NICOL1: variants seen among roughly 807,000 people sequenced by gnomAD.
NICOL1 encodes the protein NELL2 interacting cell ontogeny regulator 1.
At chr4:2,038,460 A>T in the NICOL1 span, among the ~76,000 whole-genome samples, 2 of 151,442 alleles carry the variant, frequency 1.3e-5, no homozygotes, top group East Asian at 3.9e-4. Flanking sequence ...GATACTTTTT[A>T]AAATCTTCAA....
chr4:2,038,235 G>GTGTGTGTA, the NICOL1 span, among the ~76,000 whole-genome samples: 3 of 84,554 alleles, frequency 3.5e-5, 1 homozygote, highest in African/African-American at 1.4e-4. Flanking sequence ...AGTGATCAGT[G>GTGTGTGTA]TGTATATATA....
At chr4:2,038,237 G>GTGTGTGTGTATATA in the NICOL1 span, among the ~76,000 whole-genome samples, 1 of 91,454 alleles carries the variant, frequency 1.1e-5, no homozygotes, top group African/African-American at 3.6e-5. Context: ...TGATCAGTGT[G>GTGTGTGTGTATATA]TATATATATA....
the NICOL1 span, chr4:2,042,029 G>C: frequency 2.0e-6 from 3 of 1,474,768 alleles, no homozygotes; most frequent in East Asian, 2.9e-5. Context: ...AACGTCTGCC[G>C]GTGTCCCCGC....
chr4:2,042,698 C>CCCTGCGCCCCCTCCACCCTGA, the NICOL1 span: 1 of 1,263,894 alleles, frequency 7.9e-7, no homozygotes, highest in Non-Finnish European at 1.1e-6. Flanking sequence ...GGGTGACCCC[C>CCCTGCGCCCCCTCCACCCTGA]CCTGCGCCCC....
the NICOL1 span, among the ~76,000 whole-genome samples, chr4:2,036,582 GA>G: frequency 2.0e-5 from 3 of 152,188 alleles, no homozygotes; most frequent in Non-Finnish European, 4.4e-5. Context: ...AGTGTTGACG[GA>G]AGCTGAAGAC....
the NICOL1 span, chr4:2,042,354 G>A: frequency 3.9e-6 from 2 of 512,482 alleles, no homozygotes; most frequent in Admixed American, 3.9e-5. Flanking sequence ...TGCTGGCCAT[G>A]GCCCCCCCGC....
At chr4:2,038,232 AGT>A in the NICOL1 span, among the ~76,000 whole-genome samples, 1 of 96,488 alleles carries the variant, frequency 1.0e-5, no homozygotes, top group Non-Finnish European at 2.1e-5. Context: ...TTAAGTGATC[AGT>A]GTGTATATAT....
At chr4:2,038,255 A>G in the NICOL1 span, among the ~76,000 whole-genome samples, 114 of 66,868 alleles carry the variant, frequency 1.7e-3, 1 homozygote, top group Non-Finnish European at 2.1e-3. Flanking sequence ...ATATATATAT[A>G]TATATATATA....
the NICOL1 span, among the ~76,000 whole-genome samples, chr4:2,038,237 G>GTGTGTGTATATATA: frequency 1.1e-5 from 1 of 91,452 alleles, no homozygotes; most frequent in African/African-American, 3.6e-5. Context: ...TGATCAGTGT[G>GTGTGTGTATATATA]TATATATATA....
At chr4:2,038,413 A>G in the NICOL1 span, among the ~76,000 whole-genome samples, 1 of 151,362 alleles carries the variant, frequency 6.6e-6, no homozygotes, top group Non-Finnish European at 1.5e-5. Flanking sequence ...TCAGCCTCCC[A>G]ACTAGATGGG....
At chr4:2,038,257 AT>A in the NICOL1 span, among the ~76,000 whole-genome samples, 2 of 67,970 alleles carry the variant, frequency 2.9e-5, no homozygotes, top group Non-Finnish European at 5.6e-5. Context: ...ATATATATAT[AT>A]ATATATATAT....
the NICOL1 span, chr4:2,042,023 T>C: frequency 1.4e-5 from 20 of 1,472,786 alleles, no homozygotes; most frequent in East Asian, 5.2e-4. Flanking sequence ...ACGCGGAACG[T>C]CTGCCGGTGT....
At chr4:2,040,678 C>A in the NICOL1 span, among the ~76,000 whole-genome samples, 3 of 152,204 alleles carry the variant, frequency 2.0e-5, no homozygotes, top group East Asian at 1.9e-4. Flanking sequence ...CCTCCCCAGG[C>A]GCCTGGGACA....
chr4:2,041,855 G>C, the NICOL1 span: 3 of 898,036 alleles, frequency 3.3e-6, no homozygotes, highest in Non-Finnish European at 4.7e-6. Context: ...CGCTGCTCCC[G>C]GGGGCAGCCC....
the NICOL1 span, chr4:2,042,932 C>T: frequency 1.4e-5 from 10 of 716,296 alleles, no homozygotes; most frequent in South Asian, 2.1e-5. Context: ...TCATCCTTCA[C>T]CCCGATTTAA....
chr4:2,042,644 C>T, the NICOL1 span: 1 of 695,958 alleles, frequency 1.4e-6, no homozygotes, highest in Non-Finnish European at 2.2e-6. Flanking sequence ...GACGTGCGCT[C>T]TTTGGCACTG....
the NICOL1 span, chr4:2,043,872 A>G: frequency 6.5e-7 from 1 of 1,549,658 alleles, no homozygotes; most frequent in Non-Finnish European, 8.7e-7. Flanking sequence ...CGGAGACCCT[A>G]CTGCTGCAGG....
At chr4:2,038,093 C>G in the NICOL1 span, among the ~76,000 whole-genome samples, 1 of 150,232 alleles carries the variant, frequency 6.7e-6, no homozygotes, top group African/African-American at 2.4e-5. Flanking sequence ...ATTTAAATTT[C>G]CAAACATATG....
chr4:2,036,877 T>C, the NICOL1 span, among the ~76,000 whole-genome samples: 1 of 152,010 alleles, frequency 6.6e-6, no homozygotes, highest in Non-Finnish European at 1.5e-5. Context: ...GCTGTCACAT[T>C]GCACATTCAT....
Sources: gnomAD v4.1 joint callset for allele counts (sites outside exome capture counted in the v4.1 genomes callset) on GRCh38, gnomAD v4.1.1 for gene constraint, MANE v1.5 for transcripts, NCBI Gene and HGNC (gene_info 2026-07-23, HGNC 2026-07-21) for gene names.